MIPEP: variants seen among roughly 807,000 people sequenced by gnomAD.
The protein encoded by MIPEP is mitochondrial intermediate peptidase.
MIPEP carries 79 observed loss-of-function variants against 90.3 expected under a neutral mutation model. The ratio of observed to expected loss-of-function variants is 0.87; its 90% confidence interval spans 0.73 to 1.05. MIPEP has a LOEUF of 1.05. Ranked by LOEUF, MIPEP falls within the 50% of genes least tolerant of loss-of-function variation. The pLI is 0.00. For synonymous variants in MIPEP, 334 were observed against 315.8 expected (o/e 1.06, Z -0.61); for missense variants, 940 against 905.6 (o/e 1.04, Z -0.49).
At chr13:23,756,019 C>G (rs192293473) in intron 18 of MIPEP, among the ~76,000 whole-genome samples, 1 of 152,036 alleles carries the variant, frequency 6.6e-6, no homozygotes, top group Non-Finnish European at 1.5e-5. Context: ...ATAAGTAACA[C>G]TTTGAAAGCT....
At chr13:23,816,535 T>G (rs926388362) in intron 14 of MIPEP, among the ~76,000 whole-genome samples, 1 of 150,954 alleles carries the variant, frequency 6.6e-6, no homozygotes, top group Non-Finnish European at 1.5e-5. Context: ...AGTTTTTTTT[T>G]GTAGTTTCCA....
At chr13:23,839,853 C>A in intron 11 of MIPEP, 127 bp from the exon 12 acceptor site, 2 of 576,664 alleles carry the variant, frequency 3.5e-6, no homozygotes, top group East Asian at 2.9e-5. Flanking sequence ...ATTCTACACC[C>A]CACATTATCT....
At chr13:23,886,302 G>A in intron 2 of MIPEP, 31 bp downstream of exon 2, 1 of 1,402,424 alleles carries the variant, frequency 7.1e-7, no homozygotes, top group Non-Finnish European at 9.4e-7. Context: ...TGAAAGAGAG[G>A]TAGCTTCAAG....
intron 10 of MIPEP, among the ~76,000 whole-genome samples, chr13:23,854,901 G>GA (rs58441886): frequency 0.65 from 95,791 of 148,030 alleles, 31,254 homozygotes; most frequent in South Asian, 0.75. Flanking sequence ...CAAAAAAAAA[G>GA]AAAAAAAAAC....
chr13:23,804,339 G>T (rs1953081296), intron 16 of MIPEP, among the ~76,000 whole-genome samples: 1 of 152,134 alleles, frequency 6.6e-6, no homozygotes, highest in South Asian at 2.1e-4. Flanking sequence ...TGGTCATGAA[G>T]TTTAACTCAT....
At chr13:23,756,141 C>A (rs1565982840) in intron 18 of MIPEP, among the ~76,000 whole-genome samples, 2 of 152,132 alleles carry the variant, frequency 1.3e-5, no homozygotes, top group Non-Finnish European at 1.5e-5. Flanking sequence ...TAAGACATTT[C>A]TTTTTTATTT....
chr13:23,853,340 C>A (rs1019104018), intron 10 of MIPEP, among the ~76,000 whole-genome samples: 4 of 152,186 alleles, frequency 2.6e-5, no homozygotes, highest in African/African-American at 9.6e-5. Flanking sequence ...CATTTTTTAT[C>A]TTTTATACCT....
At chr13:23,847,342 G>C (rs1869589376) in intron 10 of MIPEP, among the ~76,000 whole-genome samples, 1 of 151,996 alleles carries the variant, frequency 6.6e-6, no homozygotes, top group South Asian at 2.1e-4. Flanking sequence ...AGAGAAATGA[G>C]TGTGGTGATA....
At chr13:23,769,240 T>C (rs1246008104) in intron 16 of MIPEP, among the ~76,000 whole-genome samples, 1 of 152,102 alleles carries the variant, frequency 6.6e-6, no homozygotes, top group African/African-American at 2.4e-5. Context: ...GGGGCCTCTG[T>C]AGGAACAGGT....
At chr13:23,786,584 C>A (rs1360012079) in intron 16 of MIPEP, among the ~76,000 whole-genome samples, 1 of 151,536 alleles carries the variant, frequency 6.6e-6, no homozygotes. Flanking sequence ...AAAGAAAGAT[C>A]AACATAAACA....
intron 18 of MIPEP, among the ~76,000 whole-genome samples, chr13:23,733,895 AAC>A (rs1322046590): frequency 6.6e-5 from 10 of 152,222 alleles, no homozygotes; most frequent in Non-Finnish European, 1.2e-4. Context: ...TAAAGTTCAA[AAC>A]ACAGTGTTCT....
At chr13:23,790,138 T>C (rs970793029) in intron 16 of MIPEP, among the ~76,000 whole-genome samples, 6 of 152,192 alleles carry the variant, frequency 3.9e-5, no homozygotes, top group Non-Finnish European at 1.5e-5. Context: ...GGCAAGTAGG[T>C]GTTGGCTCTG....
intron 15 of MIPEP, among the ~76,000 whole-genome samples, chr13:23,809,330 A>G (rs1326689927): frequency 6.6e-6 from 1 of 151,306 alleles, no homozygotes; most frequent in Non-Finnish European, 1.5e-5. Context: ...ATTTTTTCCC[A>G]ACTGAAAACG....
intron 7 of MIPEP, among the ~76,000 whole-genome samples, chr13:23,867,299 T>A (rs1336242435): frequency 1.3e-5 from 2 of 152,152 alleles, no homozygotes; most frequent in Non-Finnish European, 2.9e-5. Flanking sequence ...GGCAGGCATT[T>A]TTCTGCCTCA....
rs1952798660 is a variant in MIPEP at position 23,783,143 on chromosome 13, G to C, written c.1848+22807C>G. On this transcript the variant is annotated intron_variant, in intron 16 of 18. Transcript: ENST00000382172. ...CATCCTGATACCAAAGCCGGGCAGAGACACAACCGAAAAAGAGAATTTTAG... is the reference window on the plus strand; with the variant it reads ...CATCCTGATACCAAAGCCGGGCAGACACACAACCGAAAAAGAGAATTTTAG... Among the ~76,000 whole-genome samples the C allele has an allele frequency of 2.0e-5, 3 of 152,150 alleles. No individual in the cohort carries two copies. In the South Asian group the frequency reaches 6.2e-4, roughly 32 times the overall value.
At chr13:23,857,112 T>A (rs931407199) in intron 10 of MIPEP, among the ~76,000 whole-genome samples, 2 of 152,134 alleles carry the variant, frequency 1.3e-5, no homozygotes, top group African/African-American at 4.8e-5. Flanking sequence ...TGCTACATCT[T>A]TAACAGGTGA....
intron 18 of MIPEP, among the ~76,000 whole-genome samples, chr13:23,737,837 CAT>C (rs1952281850): frequency 6.6e-6 from 1 of 152,148 alleles, no homozygotes; most frequent in Admixed American, 6.5e-5. Flanking sequence ...GTTGGTGTAT[CAT>C]TTAATTTCAT....
At chr13:23,738,885 A>G (rs1471546203) in intron 18 of MIPEP, among the ~76,000 whole-genome samples, 3 of 152,148 alleles carry the variant, frequency 2.0e-5, no homozygotes, top group African/African-American at 7.2e-5. Context: ...GAACCTGGGG[A>G]TAGGCCCAGT....
intron 10 of MIPEP, among the ~76,000 whole-genome samples, chr13:23,849,095 G>A (rs1168902966): frequency 1.3e-5 from 2 of 152,126 alleles, no homozygotes; most frequent in African/African-American, 2.4e-5. Context: ...AGCCCTCCAC[G>A]CCAGGCTCAT....
Sources: gnomAD v4.1 joint callset for allele counts (sites outside exome capture counted in the v4.1 genomes callset) on GRCh38, gnomAD v4.1.1 for gene constraint, MANE v1.5 for transcripts, NCBI Gene and HGNC (gene_info 2026-07-23, HGNC 2026-07-21) for gene names.